SMC3: variants seen among roughly 807,000 people sequenced by gnomAD.
The protein encoded by SMC3 is structural maintenance of chromosomes 3.
SMC3 carries 20 observed loss-of-function variants against 171.8 expected under a neutral mutation model. The observed-to-expected ratio is 0.12, with a 90% confidence interval of 0.08 to 0.17. The LOEUF (loss-of-function observed/expected upper bound fraction) is 0.17, where lower values mean the gene tolerates loss of function less well. Ranked by LOEUF, SMC3 falls within the 10% of genes least tolerant of loss-of-function variation. The pLI is 1.00. For synonymous variants in SMC3, 464 were observed against 451.1 expected (o/e 1.03, Z -0.36); for missense variants, 543 against 1,420.4 (o/e 0.38, Z 9.93).
At chr10:110,583,572 A>T in intron 11 of SMC3, 24 bp downstream of exon 11, 1 of 1,611,146 alleles carries the variant, frequency 6.2e-7, no homozygotes, top group Non-Finnish European at 8.5e-7. Flanking sequence ...CTAAAAATGA[A>T]AGATGTGAAT....
chr10:110,598,729 A>G (rs1438837020), intron 20 of SMC3, among the ~76,000 whole-genome samples: 1 of 152,098 alleles, frequency 6.6e-6, no homozygotes, highest in Non-Finnish European at 1.5e-5. Context: ...TTGGATATCT[A>G]CATCTATTTT....
At chr10:110,604,107 A>AAC (rs1861430730) in intron 28 of SMC3, 124 bp from the exon 29 acceptor site, 1 of 521,418 alleles carries the variant, frequency 1.9e-6, no homozygotes, top group African/African-American at 2.0e-5. Flanking sequence ...AAAAAAAAAA[A>AAC]AAAAAAAAAA....
chr10:110,589,530 A>G, intron 13 of SMC3, 75 bp from the exon 14 acceptor site: 1 of 972,388 alleles, frequency 1.0e-6, no homozygotes, highest in Non-Finnish European at 1.6e-6. Context: ...ATCCATCTGC[A>G]ACCACTGATC....
At chr10:110,581,461 C>CA (rs1861028446) in intron 8 of SMC3, among the ~76,000 whole-genome samples, 1 of 151,966 alleles carries the variant, frequency 6.6e-6, no homozygotes, top group African/African-American at 2.4e-5. Context: ...TCAGATGATC[C>CA]ACCTGCCTTG....
At chr10:110,577,799 A>G (rs778656629) in intron 5 of SMC3, 36 bp from the exon 6 acceptor site, 3 of 1,442,862 alleles carry the variant, frequency 2.1e-6, no homozygotes, top group East Asian at 2.3e-5. Context: ...CTCCTTTACT[A>G]TTAAATTAAC....
At chr10:110,602,735 T>C (rs1861405977) in intron 26 of SMC3, 70 bp downstream of exon 26, 2 of 1,569,792 alleles carry the variant, frequency 1.3e-6, no homozygotes, top group African/African-American at 1.4e-5. Context: ...CTTTTGCAAA[T>C]CTGATTGGTG....
intron 2 of SMC3, among the ~76,000 whole-genome samples, chr10:110,572,714 C>G (rs756259018): frequency 6.6e-6 from 1 of 152,156 alleles, no homozygotes; most frequent in Non-Finnish European, 1.5e-5. Context: ...TTTGTGCCTG[C>G]ATTTACCATC....
chr10:110,570,300 A>G (rs967163379), intron 2 of SMC3, among the ~76,000 whole-genome samples: 1 of 152,218 alleles, frequency 6.6e-6, no homozygotes. Flanking sequence ...TGAGATTCAC[A>G]TTACTAATGT....
chr10:110,592,116 T>C (rs1161037432), intron 17 of SMC3, among the ~76,000 whole-genome samples: 3 of 151,860 alleles, frequency 2.0e-5, no homozygotes, highest in Non-Finnish European at 4.4e-5. Context: ...ATACAAAAAA[T>C]TAGCTGGACA....
chr10:110,581,555 C>G (rs898634467), intron 8 of SMC3, among the ~76,000 whole-genome samples: 14 of 152,156 alleles, frequency 9.2e-5, no homozygotes, highest in Non-Finnish European at 2.1e-4. Flanking sequence ...AAACTGAGGC[C>G]CTTACTACAT....
At position 110,603,071 on chromosome 10, in the gene SMC3, G is replaced by GA. The variant is rs1012529490; in HGVS notation, c.3475+75dup. On this transcript the variant is annotated intron_variant, in intron 27 of 28. Coordinates refer to ENST00000361804, the MANE Select transcript of SMC3 (RefSeq NM_005445.4). Reference sequence around the variant, plus strand: ...TGGTAATATTTGCTGATGTATATATGAAAAAATCAAACTCAGGCAGTTTTG... The same window carrying GA: ...TGGTAATATTTGCTGATGTATATATGAAAAAAATCAAACTCAGGCAGTTTTG... 46 of 1,574,438 alleles carry GA rather than the reference G, an allele frequency of 2.9e-5. 1 individual carries two copies. The highest frequency in any genetic ancestry group is 2.1e-4 in the South Asian group (19 of 90,078).
At chr10:110,574,516 C>G (rs1300238220) in intron 3 of SMC3, among the ~76,000 whole-genome samples, 1 of 152,190 alleles carries the variant, frequency 6.6e-6, no homozygotes, top group Non-Finnish European at 1.5e-5. Flanking sequence ...GAAAGGCACT[C>G]TCTAGCCTGT....
intron 13 of SMC3, among the ~76,000 whole-genome samples, chr10:110,589,388 C>T (rs1264548025): frequency 6.6e-6 from 1 of 152,044 alleles, no homozygotes; most frequent in Admixed American, 6.6e-5. Context: ...TTTTGACATA[C>T]GTATACATCT....
chr10:110,592,057 A>C (rs1313618945), intron 17 of SMC3, among the ~76,000 whole-genome samples: 1 of 152,104 alleles, frequency 6.6e-6, no homozygotes, highest in African/African-American at 2.4e-5. Context: ...TGAGGTTAGG[A>C]GTTCAAGACC....
chr10:110,575,930 A>G (rs1449372636), intron 4 of SMC3, among the ~76,000 whole-genome samples: 1 of 152,202 alleles, frequency 6.6e-6, no homozygotes, highest in East Asian at 1.9e-4. Flanking sequence ...GGGAACATAG[A>G]GAAACAACCA....
intron 26 of SMC3, 71 bp from the exon 27 acceptor site, chr10:110,602,754 G>A: frequency 6.4e-7 from 1 of 1,566,898 alleles, no homozygotes; most frequent in Non-Finnish European, 8.8e-7. Flanking sequence ...TGCATTATAT[G>A]CAAGTTACTT....
chr10:110,569,960 A>G (rs1229369211), intron 2 of SMC3, among the ~76,000 whole-genome samples: 1 of 152,270 alleles, frequency 6.6e-6, no homozygotes, highest in Non-Finnish European at 1.5e-5. Context: ...GTTTTGCTGT[A>G]CAGAGTCCAA....
chr10:110,567,802 C>T lies in SMC3; in HGVS notation c.-15C>T, dbSNP rs930101453. 6 of 1,613,390 alleles carry T rather than the reference C, an allele frequency of 3.7e-6. No homozygotes were observed. The highest frequency in any genetic ancestry group is 2.2e-5 in the East Asian group (1 of 44,868). The stretch of plus-strand genomic sequence containing the variant: ...CTCCGGGGCAGGTCTCCTTCCAGGC[C>T]AGGGGCCCGGAATCATGTACATAAA... On this transcript the variant is annotated 5_prime_UTR_variant, in exon 1 of 29. Coordinates refer to ENST00000361804, the MANE Select transcript of SMC3 (RefSeq NM_005445.4).
chr10:110,591,176 AT>A, intron 17 of SMC3, 44 bp downstream of exon 17: 1 of 1,571,524 alleles, frequency 6.4e-7, no homozygotes, highest in Non-Finnish European at 8.7e-7. Context: ...TTATAATGTT[AT>A]TTTTTATCAC....
Sources: gnomAD v4.1 joint callset for allele counts (sites outside exome capture counted in the v4.1 genomes callset) on GRCh38, gnomAD v4.1.1 for gene constraint, MANE v1.5 for transcripts, NCBI Gene and HGNC (gene_info 2026-07-23, HGNC 2026-07-21) for gene names.